OTUD7A: variants seen among roughly 807,000 people sequenced by gnomAD.
OTUD7A encodes the protein OTU domain-containing protein 7A.
A neutral mutation model predicts 65.7 loss-of-function variants in OTUD7A; 12 were observed. The observed-to-expected ratio is 0.18, with a 90% CI of 0.12 to 0.30. The LOEUF (loss-of-function observed/expected upper bound fraction) is 0.30. Among genes scored for constraint, OTUD7A ranks in the 10% least tolerant of loss-of-function variants. The pLI, the probability that OTUD7A is intolerant of heterozygous loss-of-function variation, is 1.00. For missense variants in OTUD7A, 1,148 were observed against 1,304.8 expected, an observed-to-expected ratio of 0.88 and a Z score of 1.85; for synonymous variants, 641 against 586.3, an observed-to-expected ratio of 1.09 and a Z score of -1.35.
intron 1 of OTUD7A, among the ~76,000 whole-genome samples, chr15:31,694,107 A>T (rs1893019622): frequency 6.6e-6 from 1 of 152,238 alleles, no homozygotes; most frequent in Non-Finnish European, 1.5e-5. Flanking sequence ...GCAGCTACCC[A>T]GCAGGGTGCC....
At chr15:31,722,654 C>T (rs904539943) in intron 1 of OTUD7A, among the ~76,000 whole-genome samples, 2 of 152,206 alleles carry the variant, frequency 1.3e-5, no homozygotes, top group Admixed American at 6.5e-5. Context: ...CAGGGAGTGA[C>T]CAGAGCCAGC....
At chr15:31,791,796 C>T (rs927114802) in intron 1 of OTUD7A, among the ~76,000 whole-genome samples, 3 of 152,176 alleles carry the variant, frequency 2.0e-5, no homozygotes, top group African/African-American at 7.2e-5. Context: ...CTCTCCTGGT[C>T]CTCCTCCTTC....
intron 1 of OTUD7A, among the ~76,000 whole-genome samples, chr15:31,863,570 T>C (rs1046632563): frequency 3.3e-5 from 5 of 152,204 alleles, no homozygotes; most frequent in African/African-American, 9.6e-5. Flanking sequence ...CTGAGCTCTA[T>C]GTAGGCCCCT....
intron 1 of OTUD7A, among the ~76,000 whole-genome samples, chr15:31,759,222 C>T (rs1281244625): frequency 6.6e-6 from 1 of 152,202 alleles, no homozygotes; most frequent in Non-Finnish European, 1.5e-5. Flanking sequence ...ATTAGAATCA[C>T]TTGTGCATCT....
At chr15:31,863,237 G>A (rs919234553) in intron 1 of OTUD7A, among the ~76,000 whole-genome samples, 1 of 152,134 alleles carries the variant, frequency 6.6e-6, no homozygotes, top group Admixed American at 6.5e-5. Flanking sequence ...CCAGGTGCAC[G>A]GTGCAAAGTG....
At position 31,848,450 on chromosome 15, in the gene OTUD7A, T is replaced by A. The variant is rs570340350; in HGVS notation, c.-100+22057A>T. Reference sequence around the variant, plus strand: ...CTCTAAAAAACTGTGCTTTTTATTTTTAAAAAAAAACAGTTTTCTCTCACT... The same window carrying A: ...CTCTAAAAAACTGTGCTTTTTATTTATAAAAAAAAACAGTTTTCTCTCACT... On this transcript the variant is annotated intron_variant, in intron 1 of 12. Transcript: ENST00000307050. Among the ~76,000 whole-genome samples the A allele has an allele frequency of 3.9e-4, 59 of 151,524 alleles. No homozygotes were observed. In the East Asian group the frequency reaches 4.3e-3, roughly 11 times the overall value.
chr15:31,724,033 G>A (rs12900117), intron 1 of OTUD7A, among the ~76,000 whole-genome samples: 27,630 of 139,800 alleles, frequency 0.2, 3,108 homozygotes, highest in Admixed American at 0.27. Context: ...GATTACTCAC[G>A]GAGCTGGTTA....
At chr15:31,526,874 G>T (rs2042022401) in intron 7 of OTUD7A, among the ~76,000 whole-genome samples, 2 of 152,184 alleles carry the variant, frequency 1.3e-5, no homozygotes, top group African/African-American at 4.8e-5. Context: ...CCTGACAGCA[G>T]GCAGTCATAT....
At chr15:31,850,554 T>TATAATA (rs71113425) in intron 1 of OTUD7A, among the ~76,000 whole-genome samples, 176 of 150,352 alleles carry the variant, frequency 1.2e-3, no homozygotes, top group South Asian at 4.0e-3. Flanking sequence ...AAACTTAAAG[T>TATAATA]ATAATAATAA....
intron 5 of OTUD7A, chr15:31,558,399 A>T (rs780278693): frequency 1.3e-5 from 2 of 153,738 alleles, no homozygotes; most frequent in Non-Finnish European, 2.9e-5. Context: ...AAGGAAGGAG[A>T]CTGAGGTCAG....
chr15:31,660,246 G>A (rs1437783646), intron 1 of OTUD7A, among the ~76,000 whole-genome samples: 1 of 152,234 alleles, frequency 6.6e-6, no homozygotes, highest in Non-Finnish European at 1.5e-5. Flanking sequence ...AAGATCAGAT[G>A]CCTGGGCTCC....
intron 1 of OTUD7A, among the ~76,000 whole-genome samples, chr15:31,659,614 TTGCCCCTGGCTCTGCAGGGCTGCC>T (rs142402295): frequency 0.022 from 3,386 of 152,352 alleles, 120 homozygotes; most frequent in African/African-American, 0.078. Context: ...CATTTTTCCT[TTGCCCCTGGCTCTGCAGGGCTGCC>T]AGGCCCTGGC....
intron 1 of OTUD7A, among the ~76,000 whole-genome samples, chr15:31,683,565 G>T (rs927288260): frequency 1.2e-4 from 18 of 152,116 alleles, no homozygotes; most frequent in Admixed American, 1.1e-3. Context: ...TGGTTGTGGT[G>T]GTGATTACAT....
At chr15:31,558,371 T>C (rs1465344790) in intron 5 of OTUD7A, 1 of 152,826 alleles carries the variant, frequency 6.5e-6, no homozygotes, top group African/African-American at 2.4e-5. Flanking sequence ...GTTAGGGTGG[T>C]GAGGAAACAC....
intron 1 of OTUD7A, among the ~76,000 whole-genome samples, chr15:31,764,511 G>C (rs1047133526): frequency 4.6e-5 from 7 of 152,116 alleles, no homozygotes; most frequent in African/African-American, 1.7e-4. Context: ...CTTGCTTCAA[G>C]TTTGTACCAA....
At chr15:31,656,213 G>C (rs1380943016) in intron 2 of OTUD7A, among the ~76,000 whole-genome samples, 1 of 152,218 alleles carries the variant, frequency 6.6e-6, no homozygotes, top group Admixed American at 6.5e-5. Flanking sequence ...CTGGGGAAAA[G>C]CAACTGTGAC....
intron 1 of OTUD7A, among the ~76,000 whole-genome samples, chr15:31,836,541 G>C (rs192477865): frequency 1.3e-5 from 2 of 152,124 alleles, no homozygotes; most frequent in Admixed American, 6.5e-5. Flanking sequence ...ATACCAAAGA[G>C]AGTACAGAAA....
chr15:31,793,017 G>C (rs1184690803), intron 1 of OTUD7A, among the ~76,000 whole-genome samples: 1 of 152,136 alleles, frequency 6.6e-6, no homozygotes, highest in Non-Finnish European at 1.5e-5. Context: ...CACACCAATT[G>C]ACAGATGGCG....
intron 1 of OTUD7A, among the ~76,000 whole-genome samples, chr15:31,802,470 C>T (rs1595779950): frequency 6.6e-6 from 1 of 151,814 alleles, no homozygotes; most frequent in Non-Finnish European, 1.5e-5. Context: ...CCTTTGGCAA[C>T]ACCCTCACAG....
Sources: gnomAD v4.1 joint callset for allele counts (sites outside exome capture counted in the v4.1 genomes callset) on GRCh38, gnomAD v4.1.1 for gene constraint, MANE v1.5 for transcripts, NCBI Gene and HGNC (gene_info 2026-07-23, HGNC 2026-07-21) for gene names.